APBA1: variants seen among roughly 807,000 people sequenced by gnomAD.
The protein encoded by APBA1 is amyloid beta precursor protein binding family A member 1.
Under a neutral mutation model 86.6 loss-of-function variants are expected in APBA1, and 55 were observed. That is an observed-to-expected ratio of 0.64 (90% CI 0.51 to 0.80). The LOEUF (loss-of-function observed/expected upper bound fraction) is 0.80, where lower values mean the gene tolerates loss of function less well. Among genes scored for constraint, APBA1 ranks in the 30% least tolerant of loss-of-function variants. The pLI is 0.00. For missense variants in APBA1, 1,090 were observed against 1,183.0 expected, an observed-to-expected ratio of 0.92 and a Z score of 1.15; for synonymous variants, 511 against 493.9, an observed-to-expected ratio of 1.03 and a Z score of -0.46.
intron 1 of APBA1, among the ~76,000 whole-genome samples, chr9:69,599,843 G>C (rs1822311855): frequency 6.6e-6 from 1 of 152,164 alleles, no homozygotes; most frequent in Non-Finnish European, 1.5e-5. Context: ...TTAAGAACCA[G>C]CACATTCGCT....
intron 1 of APBA1, among the ~76,000 whole-genome samples, chr9:69,596,240 G>T (rs1822225791): frequency 6.6e-6 from 1 of 152,030 alleles, no homozygotes. Context: ...TCCTGCCTTG[G>T]TCTCCCAAAC....
At chr9:69,591,732 T>C (rs1169629769) in intron 1 of APBA1, among the ~76,000 whole-genome samples, 1 of 152,216 alleles carries the variant, frequency 6.6e-6, no homozygotes, top group East Asian at 1.9e-4. Context: ...CTTGTCACTA[T>C]GTAGGATTTA....
chr9:69,571,484 ACT>A (rs1019224651), intron 1 of APBA1, among the ~76,000 whole-genome samples: 1 of 152,136 alleles, frequency 6.6e-6, no homozygotes, highest in Non-Finnish European at 1.5e-5. Flanking sequence ...ATAATATATG[ACT>A]CTAATTTTTG....
At chr9:69,642,274 G>C (rs1244996111) in intron 1 of APBA1, among the ~76,000 whole-genome samples, 1 of 152,058 alleles carries the variant, frequency 6.6e-6, no homozygotes, top group Non-Finnish European at 1.5e-5. Flanking sequence ...TCAATAAGAT[G>C]ACAAACAAGC....
chr9:69,546,233 G>A (rs973652131), intron 1 of APBA1, among the ~76,000 whole-genome samples: 2 of 152,188 alleles, frequency 1.3e-5, no homozygotes, highest in African/African-American at 4.8e-5. Context: ...ATGAAACTGT[G>A]GAAATCTGAA....
chr9:69,630,101 G>A (rs1823011559), intron 1 of APBA1, among the ~76,000 whole-genome samples: 1 of 151,976 alleles, frequency 6.6e-6, no homozygotes, highest in South Asian at 2.1e-4. Context: ...GTGGAAGTAT[G>A]TATGTGAAGG....
chr9:69,587,679 G>A (rs755281616), intron 1 of APBA1, among the ~76,000 whole-genome samples: 22 of 152,034 alleles, frequency 1.4e-4, no homozygotes, highest in Non-Finnish European at 2.5e-4. Flanking sequence ...ACTTCCCCAC[G>A]ACCCACCTTT....
chr9:69,490,399 C>T (rs2133859112), intron 2 of APBA1, among the ~76,000 whole-genome samples: 1 of 151,860 alleles, frequency 6.6e-6, no homozygotes, highest in Admixed American at 6.6e-5. Context: ...GGGTGCAGCA[C>T]ACCAGCATGG....
chr9:69,545,074 G>A (rs925419315), intron 1 of APBA1, among the ~76,000 whole-genome samples: 1 of 152,202 alleles, frequency 6.6e-6, no homozygotes, highest in Admixed American at 6.5e-5. Context: ...CCCTCACCCA[G>A]AATAGGTCAT....
chr9:69,652,313 G>T (rs1403445155), intron 1 of APBA1, among the ~76,000 whole-genome samples: 1 of 152,212 alleles, frequency 6.6e-6, no homozygotes, highest in Non-Finnish European at 1.5e-5. Context: ...GAACCCAGGT[G>T]TTGATATCTG....
At chr9:69,629,497 A>G (rs1363556980) in intron 1 of APBA1, among the ~76,000 whole-genome samples, 1 of 152,234 alleles carries the variant, frequency 6.6e-6, no homozygotes, top group Admixed American at 6.5e-5. Flanking sequence ...AAGTTGCATA[A>G]GATGAAGTCA....
intron 10 of APBA1, among the ~76,000 whole-genome samples, chr9:69,442,081 T>C (rs996759588): frequency 1.3e-5 from 2 of 152,286 alleles, no homozygotes; most frequent in African/African-American, 4.8e-5. Context: ...CACTGACTTG[T>C]CAGCTTCACC....
intron 1 of APBA1, among the ~76,000 whole-genome samples, chr9:69,585,612 G>C (rs561894610): frequency 6.6e-6 from 1 of 152,302 alleles, no homozygotes; most frequent in East Asian, 1.9e-4. Flanking sequence ...GTCCTGACCT[G>C]CTGCTGGTGG....
intron 2 of APBA1, among the ~76,000 whole-genome samples, chr9:69,497,250 G>C (rs979039898): frequency 9.9e-5 from 15 of 152,042 alleles, no homozygotes; most frequent in Admixed American, 6.5e-5. Context: ...CGGTTGAGAT[G>C]GAAGCATGAA....
chr9:69,487,680 G>C (rs1329597288), intron 2 of APBA1, among the ~76,000 whole-genome samples: 3 of 152,070 alleles, frequency 2.0e-5, no homozygotes, highest in Non-Finnish European at 4.4e-5. Context: ...TTACAAGTCA[G>C]TTTGGCTGTC....
At chr9:69,452,815 G>A (rs554292980) in intron 8 of APBA1, among the ~76,000 whole-genome samples, 1 of 152,340 alleles carries the variant, frequency 6.6e-6, no homozygotes, top group Admixed American at 6.5e-5. Flanking sequence ...TCACCAGGAG[G>A]AAACTTCATG....
chr9:69,523,477 G>GTATATATATATATATA (rs1163577400), intron 1 of APBA1, among the ~76,000 whole-genome samples: 1 of 80,632 alleles, frequency 1.2e-5, no homozygotes, highest in South Asian at 4.8e-4. Context: ...ATATATATAT[G>GTATATATATATATATA]TATATATATA....
Position 69,516,935 on chromosome 9 carries a change from G to T in APBA1, c.276C>A (p.Ala92=), listed in dbSNP as rs1403807277. The T allele has an allele frequency of 6.3e-7, 1 of 1,594,190 alleles. No homozygotes were observed. The highest frequency in any genetic ancestry group is 1.3e-5 in the African/African-American group (1 of 74,866). The change falls in exon 2 of 13, where the codon GCC becomes GCA. Residue 92 remains alanine (A), a synonymous_variant. Coordinates refer to ENST00000265381, the MANE Select transcript of APBA1 (RefSeq NM_001163.4). The surrounding 1 kb of genome is among the most constrained non-coding windows in gnomAD (Gnocchi z 7.3). ...GGGCCGCGGCGATCACGTCGCCCTC[G>T]GCGGTGTCCGTGTGGTTGTGGAAGC... The part of the protein sequence containing the change: ...ESGFHNHTDT[A]EGDVIAAARD...
At chr9:69,648,226 CAG>C (rs1445045901) in intron 1 of APBA1, among the ~76,000 whole-genome samples, 3 of 152,188 alleles carry the variant, frequency 2.0e-5, no homozygotes, top group East Asian at 3.9e-4. Context: ...AAAAACTAAA[CAG>C]GGATGAGAAA....
Sources: gnomAD v4.1 joint callset for allele counts (sites outside exome capture counted in the v4.1 genomes callset) on GRCh38, gnomAD v4.1.1 for gene constraint, Gnocchi (gnomAD v3.1) non-coding constraint, MANE v1.5 for transcripts, NCBI Gene and HGNC (gene_info 2026-07-23, HGNC 2026-07-21) for gene names.